The following ITSN2 variants were observed in gnomAD, a reference collection of about 807,000 sequenced individuals.
ITSN2 encodes the protein intersectin 2, also known as intersectin-2.
Under a neutral mutation model 243.7 loss-of-function variants are expected in ITSN2, and 156 were observed. The ratio of observed to expected loss-of-function variants is 0.64; its 90% CI spans 0.56 to 0.73. The LOEUF is 0.73. Ranked by LOEUF, ITSN2 falls within the 30% of genes least tolerant of loss-of-function variation. ITSN2 has a pLI of 0.00. For missense variants in ITSN2, 1,801 were observed against 1,996.1 expected, an observed-to-expected ratio of 0.90 and a Z score of 1.86; for synonymous variants, 703 against 699.9, an observed-to-expected ratio of 1.00 and a Z score of -0.07.
intron 13 of ITSN2, among the ~76,000 whole-genome samples, chr2:24,297,050 T>A (rs1163046530): frequency 6.6e-6 from 1 of 152,172 alleles, no homozygotes; most frequent in African/African-American, 2.4e-5. Flanking sequence ...TATATATATA[T>A]AAAAATAGTG....
intron 34 of ITSN2, 61 bp from the exon 35 acceptor site, chr2:24,210,094 G>C (rs1160844875): frequency 1.6e-6 from 2 of 1,242,128 alleles, no homozygotes; most frequent in African/African-American, 1.5e-5. Flanking sequence ...GTGCCCCTGA[G>C]AGGCCAGTGC....
At chr2:24,350,863 G>A (rs1574405937) in intron 1 of ITSN2, among the ~76,000 whole-genome samples, 1 of 152,182 alleles carries the variant, frequency 6.6e-6, no homozygotes, top group Non-Finnish European at 1.5e-5. Flanking sequence ...GAGATGGAAA[G>A]TGACTGCCAT....
At chr2:24,274,309 C>T (rs755139574) in intron 18 of ITSN2, among the ~76,000 whole-genome samples, 2 of 152,154 alleles carry the variant, frequency 1.3e-5, no homozygotes, top group Non-Finnish European at 1.5e-5. Context: ...GTGGCTCATG[C>T]CTATAATCCC....
intron 29 of ITSN2, among the ~76,000 whole-genome samples, chr2:24,234,483 G>T (rs1441461181): frequency 6.6e-6 from 1 of 152,132 alleles, no homozygotes; most frequent in African/African-American, 2.4e-5. Flanking sequence ...ATCCATGAAA[G>T]AAAGAGTTGA....
chr2:24,221,821 A>G (rs1230400121), intron 29 of ITSN2, among the ~76,000 whole-genome samples: 1 of 152,228 alleles, frequency 6.6e-6, no homozygotes, highest in East Asian at 1.9e-4. Context: ...GGATCAATTC[A>G]CAGGCACATC....
chr2:24,267,356 C>T (rs922039784), intron 20 of ITSN2, among the ~76,000 whole-genome samples: 2 of 145,750 alleles, frequency 1.4e-5, no homozygotes, highest in African/African-American at 5.1e-5. Context: ...GCACGTTCTG[C>T]ACATGTATCC....
chr2:24,242,577 A>G (rs1425298630), intron 29 of ITSN2, among the ~76,000 whole-genome samples: 1 of 152,212 alleles, frequency 6.6e-6, no homozygotes, highest in Non-Finnish European at 1.5e-5. Flanking sequence ...GTGAGTTCAT[A>G]GCTACCAACA....
chr2:24,327,245 A>C (rs749789440), intron 2 of ITSN2, among the ~76,000 whole-genome samples: 12 of 152,134 alleles, frequency 7.9e-5, no homozygotes, highest in Non-Finnish European at 1.8e-4. Flanking sequence ...AATCAGAACA[A>C]AACTTTAAAA....
intron 21 of ITSN2, 53 bp downstream of exon 21, chr2:24,261,508 G>C (rs1420290053): frequency 1.3e-5 from 18 of 1,336,462 alleles, no homozygotes; most frequent in Non-Finnish European, 1.9e-5. Context: ...TATATATTAG[G>C]TATTTACACA....
rs762728073 is a variant in ITSN2 at position 24,205,249 on chromosome 2, A to G, written c.4727T>C (p.Ile1576Thr). The change falls in exon 38 of 40, where the codon ATT (isoleucine) becomes ACT (threonine). Residue 1576 changes from isoleucine to threonine, a missense_variant. Around this residue, in one of 5 missense-constraint regions of ITSN2, gnomAD observed 928 missense variants for 1,065.4 expected, o/e 0.87. Transcript: ENST00000355123. ...SGIGRLMVHV[I>T]EATELKACKP... The stretch of plus-strand genomic sequence containing the variant: ...GCAGGCTTTTAATTCTGTAGCTTCA[A>G]TGACATGCACCATCAGGCGCCCAAT... 33 of 1,613,894 alleles carry G rather than the reference A, an allele frequency of 2.0e-5. No individual in the cohort carries two copies. Among genetic ancestry groups the G allele is most frequent in the African/African-American group, 4.0e-5 (3 of 74,912 alleles).
intron 31 of ITSN2, among the ~76,000 whole-genome samples, chr2:24,217,049 A>G (rs1670029235): frequency 6.8e-6 from 1 of 147,882 alleles, no homozygotes; most frequent in Non-Finnish European, 1.5e-5. Flanking sequence ...GCGCCACTGC[A>G]CTCTAGCCTG....
intron 15 of ITSN2, among the ~76,000 whole-genome samples, chr2:24,291,993 TCA>T: frequency 1.3e-5 from 2 of 152,254 alleles, no homozygotes; most frequent in Middle Eastern, 6.8e-3. Context: ...TCTCTGAACC[TCA>T]GTTTTCCTGA....
chr2:24,272,902 A>G (rs544113158), intron 18 of ITSN2, among the ~76,000 whole-genome samples: 1 of 152,314 alleles, frequency 6.6e-6, no homozygotes, highest in Non-Finnish European at 1.5e-5. Flanking sequence ...TTTTAGTATT[A>G]GAACTCATGC....
chr2:24,354,678 G>C lies in ITSN2; in HGVS notation c.-34+5626C>G, dbSNP rs555292084. Among the ~76,000 whole-genome samples the C allele has an allele frequency of 9.2e-5, 14 of 152,282 alleles. No homozygotes were observed. The South Asian group carries it at 2.9e-3, about 32-fold the overall frequency. ...TTATTTGGTGTCAGAGCTGGAAGCA[G>C]GTCTAACTTCAGAGGCTGTACTCTT... is the stretch of plus-strand genomic sequence containing the variant. On this transcript the variant is annotated intron_variant, in intron 1 of 39. Coordinates refer to ENST00000355123, the MANE Select transcript of ITSN2 (RefSeq NM_006277.3).
At chr2:24,248,030 T>A (rs1673608896) in intron 27 of ITSN2, among the ~76,000 whole-genome samples, 1 of 152,206 alleles carries the variant, frequency 6.6e-6, no homozygotes, top group African/African-American at 2.4e-5. Context: ...AATATAGCTA[T>A]TATATCTCTT....
chr2:24,285,232 G>C (rs535879999), intron 16 of ITSN2, among the ~76,000 whole-genome samples: 74 of 152,232 alleles, frequency 4.9e-4, no homozygotes, highest in Non-Finnish European at 9.0e-4. Context: ...GGGAAGATAA[G>C]TTGGCTGGCT....
At chr2:24,281,433 T>C (rs899995956) in intron 17 of ITSN2, among the ~76,000 whole-genome samples, 3 of 152,240 alleles carry the variant, frequency 2.0e-5, no homozygotes, top group Non-Finnish European at 4.4e-5. Context: ...GTCTAGTTCA[T>C]GTTTCAGAGC....
In ITSN2 at chr2:24,209,837, T is replaced by G; in HGVS notation, c.4454A>C (p.Gln1485Pro). 3.1e-6 allele frequency: 5 copies of G among 1,614,040 alleles called. No individual in the cohort carries two copies. Among genetic ancestry groups the G allele is most frequent in the Non-Finnish European group, 4.2e-6 (5 of 1,179,870 alleles). ...ACTCACCGTTTTATACATTTTGAATTGAGCATTGGACTTCGAGCTGAAAAG... is the reference window on the plus strand; with the variant it reads ...ACTCACCGTTTTATACATTTTGAATGGAGCATTGGACTTCGAGCTGAAAAG... ...EKLFSSKSNA[Q>P]FKMYKTPIFL... The change falls in exon 35 of 40, where the codon CAA becomes CCA. Residue 1485 changes from glutamine (Q) to proline (P), a missense_variant. Gln to Pro is a moderately conservative substitution (Grantham distance 76). Around this residue, in one of 5 missense-constraint regions of ITSN2, gnomAD observed 928 missense variants for 1,065.4 expected, o/e 0.87. Coordinates refer to ENST00000355123, the MANE Select transcript of ITSN2 (RefSeq NM_006277.3).
rs755082817 is a variant in ITSN2 at position 24,254,438 on chromosome 2, AATAT to A, written c.2889-11_2889-8del. 23 of 1,599,888 alleles carry A rather than the reference AATAT, an allele frequency of 1.4e-5. No individual in the cohort carries two copies. In the South Asian group the frequency reaches 2.2e-4, roughly 15 times the overall value. ...TGCATACAAAGCTTCTGGTCTACCA[AATAT>A]ATAAACAAACAAACAAACAAACAAA... On this transcript the variant is annotated splice_polypyrimidine_tract_variant and splice_region_variant and intron_variant, in intron 23 of 39. Coordinates refer to ENST00000355123, the MANE Select transcript of ITSN2 (RefSeq NM_006277.3).
Sources: allele counts gnomAD v4.1 joint callset (sites outside exome capture counted in the v4.1 genomes callset), GRCh38; gene constraint gnomAD v4.1.1; regional missense constraint gnomAD v4.1.1; transcripts MANE v1.5; gene names NCBI Gene and HGNC (gene_info 2026-07-23, HGNC 2026-07-21).